BRINP3: variants seen among roughly 807,000 people sequenced by gnomAD.
BRINP3 encodes BMP/retinoic acid inducible neural specific 3.
A neutral mutation model predicts 71.0 loss-of-function variants in BRINP3; 19 were observed. The ratio of observed to expected loss-of-function variants is 0.27; its 90% CI spans 0.19 to 0.39. BRINP3 has a LOEUF of 0.39. BRINP3 is among the 10% of genes least tolerant of loss of function. BRINP3 has a pLI of 1.00. For missense variants in BRINP3, 959 were observed against 940.8 expected (o/e 1.02, Z -0.25); for synonymous variants, 380 against 337.7 (o/e 1.13, Z -1.37).
intron 6 of BRINP3, among the ~76,000 whole-genome samples, chr1:190,201,299 G>C (rs1164564362): frequency 6.6e-6 from 1 of 152,142 alleles, no homozygotes; most frequent in Admixed American, 6.5e-5. Context: ...TTGAGCTCGA[G>C]AGAGATGATT....
At chr1:190,441,093 T>C (rs17369061) in intron 2 of BRINP3, among the ~76,000 whole-genome samples, 19,214 of 151,802 alleles carry the variant, frequency 0.13, 1,336 homozygotes, top group Non-Finnish European at 0.13. Context: ...TACTTGAATG[T>C]TATGGCAACA....
chr1:190,348,355 G>A (rs1395838357), intron 2 of BRINP3, among the ~76,000 whole-genome samples: 1 of 152,050 alleles, frequency 6.6e-6, no homozygotes, highest in African/African-American at 2.4e-5. Context: ...CAACCAATAA[G>A]TGCTATTTGA....
intron 7 of BRINP3, among the ~76,000 whole-genome samples, chr1:190,110,580 T>C (rs1652576743): frequency 6.6e-6 from 1 of 152,188 alleles, no homozygotes; most frequent in Admixed American, 6.6e-5. Context: ...CTAAAACACA[T>C]ATTTCATAGA....
In BRINP3 at chr1:190,098,956, C is replaced by G. The variant is rs1288023621; in HGVS notation, c.1363G>C (p.Asp455His). The G allele has an allele frequency of 6.2e-7, 1 of 1,614,122 alleles. No homozygotes were observed. The highest frequency in any genetic ancestry group is 8.5e-7 in the Non-Finnish European group (1 of 1,180,030). The change falls in exon 8 of 8, where the codon GAC (aspartate) becomes CAC (histidine). Residue 455 changes from aspartate (D) to histidine (H), a missense_variant. Asp to His is a moderately conservative substitution (Grantham distance 81, BLOSUM62 -1). Coordinates refer to ENST00000367462, the MANE Select transcript of BRINP3 (RefSeq NM_199051.3). Reference sequence around the variant, plus strand: ...CAGGTGCCGCAGCGGGTGCGGTTGTCTGGTGCGCATGTCAGGCAGGCAGAG... The same window carrying G: ...CAGGTGCCGCAGCGGGTGCGGTTGTGTGGTGCGCATGTCAGGCAGGCAGAG... Reference protein sequence around the residue: ...DASACLTCAPDNRTRCGTCNT... With the variant: ...DASACLTCAPHNRTRCGTCNT...
chr1:190,160,987 C>T (rs1325934878), intron 6 of BRINP3, 97 bp from the exon 7 acceptor site: 2 of 756,846 alleles, frequency 2.6e-6, no homozygotes, highest in South Asian at 1.9e-5. Context: ...TACATATACA[C>T]ATATATGTCA....
chr1:190,162,663 T>G lies in BRINP3; in HGVS notation c.962-1773A>C, dbSNP rs141750713. ...TCCTTTATTGTATTGTAGGCATACATAGTTTAATTATGTTCATTGTTTGTT... is the reference window on the plus strand; with the variant it reads ...TCCTTTATTGTATTGTAGGCATACAGAGTTTAATTATGTTCATTGTTTGTT... On this transcript the variant is annotated intron_variant, in intron 6 of 7. Transcript: ENST00000367462. Among the ~76,000 whole-genome samples the G allele has an allele frequency of 2.6e-5, 4 of 152,312 alleles. No individual in the cohort carries two copies. In the East Asian group the frequency reaches 7.7e-4, roughly 29 times the overall value.
chr1:190,121,680 A>G (rs975312261), intron 7 of BRINP3, among the ~76,000 whole-genome samples: 2 of 152,178 alleles, frequency 1.3e-5, no homozygotes, highest in Non-Finnish European at 2.9e-5. Flanking sequence ...GTTCTTATTG[A>G]GTTCTAATTA....
At chr1:190,281,200 G>T (rs561061508) in intron 3 of BRINP3, among the ~76,000 whole-genome samples, 2 of 152,014 alleles carry the variant, frequency 1.3e-5, no homozygotes, top group South Asian at 2.1e-4. Context: ...TGTACTCAAA[G>T]AAATCTTTCC....
At chr1:190,315,365 T>A (rs1172176227) in intron 2 of BRINP3, among the ~76,000 whole-genome samples, 2 of 152,006 alleles carry the variant, frequency 1.3e-5, no homozygotes, top group African/African-American at 4.8e-5. Context: ...CCTAGTGGAA[T>A]GGCCATTGCA....
intron 7 of BRINP3, among the ~76,000 whole-genome samples, chr1:190,127,846 CT>C (rs1654217424): frequency 6.6e-6 from 1 of 151,622 alleles, no homozygotes. Context: ...GAATGATGAA[CT>C]TTTTTCATGT....
Position 190,149,599 on chromosome 1 carries a change from T to G in BRINP3, c.1184+11069A>C, listed in dbSNP as rs115482773. ...ACACGTCTCAGTGCGTGCGTGTTAG[T>G]GTGCACTTAGGATATTGTTGAGTAG... On this transcript the variant is annotated intron_variant, in intron 7 of 7. Transcript: ENST00000367462. Among the ~76,000 whole-genome samples the G allele has an allele frequency of 1.1e-3, 169 of 151,848 alleles. 2 individuals carry two copies. The highest frequency in any genetic ancestry group is 4.0e-3 in the African/African-American group (166 of 41,396).
At chr1:190,394,940 G>A (rs1418357747) in intron 2 of BRINP3, among the ~76,000 whole-genome samples, 3 of 151,640 alleles carry the variant, frequency 2.0e-5, no homozygotes, top group Admixed American at 6.6e-5. Context: ...TATTTTTATA[G>A]TGTGAAGAGA....
chr1:190,352,376 T>C (rs1668445899), intron 2 of BRINP3, among the ~76,000 whole-genome samples: 1 of 151,996 alleles, frequency 6.6e-6, no homozygotes, highest in South Asian at 2.1e-4. Flanking sequence ...GGGTAAATAC[T>C]AGAAGAGTTT....
At chr1:190,168,487 G>T (rs1204620898) in intron 6 of BRINP3, among the ~76,000 whole-genome samples, 4 of 152,104 alleles carry the variant, frequency 2.6e-5, no homozygotes, top group Non-Finnish European at 5.9e-5. Flanking sequence ...TCTCCTATAT[G>T]CTCTTCACAT....
chr1:190,445,570 TACTC>T (rs1042591573), intron 2 of BRINP3, among the ~76,000 whole-genome samples: 29 of 136,306 alleles, frequency 2.1e-4, no homozygotes, highest in Admixed American at 7.1e-4. Flanking sequence ...GCATAACACA[TACTC>T]ACACACACAC....
intron 6 of BRINP3, among the ~76,000 whole-genome samples, chr1:190,185,462 C>G (rs1231579947): frequency 1.3e-5 from 2 of 151,936 alleles, no homozygotes; most frequent in East Asian, 3.9e-4. Context: ...AAACAAAGAA[C>G]AAGAAGTCAC....
At chr1:190,265,702 G>A (rs972830974) in intron 3 of BRINP3, among the ~76,000 whole-genome samples, 4 of 151,482 alleles carry the variant, frequency 2.6e-5, no homozygotes, top group Non-Finnish European at 5.9e-5. Context: ...GCGACAGAGC[G>A]AGACTCCGTC....
chr1:190,430,528 A>G (rs1050021986), intron 2 of BRINP3, among the ~76,000 whole-genome samples: 1 of 152,164 alleles, frequency 6.6e-6, no homozygotes, highest in African/African-American at 2.4e-5. Context: ...GCCAGATGGT[A>G]AAGTTCAGAG....
chr1:190,227,973 G>A (rs1657560604), intron 5 of BRINP3, among the ~76,000 whole-genome samples: 1 of 151,824 alleles, frequency 6.6e-6, no homozygotes, highest in South Asian at 2.1e-4. Context: ...ATATATTAGA[G>A]TTGACTAATT....
Sources: allele counts gnomAD v4.1 joint callset (sites outside exome capture counted in the v4.1 genomes callset), GRCh38; gene constraint gnomAD v4.1.1; transcripts MANE v1.5; gene names NCBI Gene and HGNC (gene_info 2026-07-23, HGNC 2026-07-21).